Variants in DOCK3 observed in about 807,000 individuals in gnomAD.
DOCK3 encodes dedicator of cytokinesis 3, also known as dedicator of cytokinesis protein 3.
Under a neutral mutation model 265.6 loss-of-function variants are expected in DOCK3, and 60 were observed. That is an observed-to-expected ratio of 0.23 (90% CI 0.18 to 0.28). DOCK3 has a LOEUF of 0.28. Ranked by LOEUF, DOCK3 falls within the 10% of genes least tolerant of loss-of-function variation. DOCK3 has a pLI of 1.00. For synonymous variants in DOCK3, 881 were observed against 938.0 expected (o/e 0.94, Z 1.11); for missense variants, 1,981 against 2,594.3 (o/e 0.76, Z 5.14).
intron 4 of DOCK3, among the ~76,000 whole-genome samples, chr3:50,925,824 C>CTTTTTT (rs368819970): frequency 2.6e-4 from 23 of 88,430 alleles, no homozygotes; most frequent in African/African-American, 3.1e-4. Context: ...TAAAACTAGT[C>CTTTTTT]TTTTTTTTTT....
intron 4 of DOCK3, among the ~76,000 whole-genome samples, chr3:50,915,462 C>G (rs143246455): frequency 6.6e-6 from 1 of 152,028 alleles, no homozygotes; most frequent in African/African-American, 2.4e-5. Context: ...CTCTAGGGGA[C>G]GAGTTCACCT....
chr3:50,940,280 C>A (rs1237229930), intron 5 of DOCK3, among the ~76,000 whole-genome samples: 1 of 104,064 alleles, frequency 9.6e-6, no homozygotes. Flanking sequence ...AGCAAGATCC[C>A]ATTTCTACCA....
chr3:50,769,263 C>G (rs1445484639), intron 1 of DOCK3, among the ~76,000 whole-genome samples: 1 of 152,020 alleles, frequency 6.6e-6, no homozygotes, highest in African/African-American at 2.4e-5. Flanking sequence ...TGTGCTTTTG[C>G]CAGACTGATG....
intron 9 of DOCK3, among the ~76,000 whole-genome samples, chr3:51,122,446 C>T (rs926132374): frequency 2.6e-5 from 4 of 152,080 alleles, no homozygotes; most frequent in African/African-American, 7.2e-5. Flanking sequence ...GACTTTGTCT[C>T]AAAATAAAAG....
At chr3:51,185,395 T>C (rs953559043) in intron 12 of DOCK3, among the ~76,000 whole-genome samples, 2 of 152,214 alleles carry the variant, frequency 1.3e-5, no homozygotes, top group African/African-American at 4.8e-5. Context: ...ATTCTTTCTG[T>C]ACTAAGGAGC....
intron 1 of DOCK3, among the ~76,000 whole-genome samples, chr3:50,686,682 G>T (rs2034829111): frequency 6.6e-6 from 1 of 152,170 alleles, no homozygotes; most frequent in Non-Finnish European, 1.5e-5. Flanking sequence ...GCTGAGGCAG[G>T]TGGATCACCT....
At chr3:50,858,106 G>A (rs2046703931) in intron 3 of DOCK3, among the ~76,000 whole-genome samples, 2 of 152,162 alleles carry the variant, frequency 1.3e-5, no homozygotes, top group Non-Finnish European at 2.9e-5. Flanking sequence ...CCATAAAAAA[G>A]GATGGGTTCA....
intron 2 of DOCK3, chr3:50,786,634 T>C: frequency 1.7e-6 from 1 of 591,620 alleles, no homozygotes; most frequent in Non-Finnish European, 3.2e-6. Flanking sequence ...CCTTTATGAT[T>C]TAAAGTTGTC....
intron 40 of DOCK3, among the ~76,000 whole-genome samples, chr3:51,354,169 GT>G (rs1345573127): frequency 6.6e-6 from 1 of 151,588 alleles, no homozygotes; most frequent in Non-Finnish European, 1.5e-5. Context: ...ACATTAGACT[GT>G]TTCTCCCAAC....
At chr3:50,978,727 G>T (rs1335005596) in intron 5 of DOCK3, among the ~76,000 whole-genome samples, 1 of 152,206 alleles carries the variant, frequency 6.6e-6, no homozygotes, top group African/African-American at 2.4e-5. Flanking sequence ...GGCAATGGCG[G>T]GCGCCCCTCC....
At chr3:51,308,237 T>A (rs200105417) in intron 27 of DOCK3, among the ~76,000 whole-genome samples, 18 of 150,288 alleles carry the variant, frequency 1.2e-4, no homozygotes, top group Admixed American at 4.0e-4. Context: ...TTTTTTTTTT[T>A]ATTGATCATT....
intron 10 of DOCK3, among the ~76,000 whole-genome samples, chr3:51,148,411 C>G (rs942534311): frequency 2.0e-5 from 3 of 152,116 alleles, no homozygotes; most frequent in Admixed American, 6.5e-5. Flanking sequence ...TCATGAAGTC[C>G]TTGCCAATGC....
At chr3:51,161,412 C>G (rs1237161945) in intron 12 of DOCK3, among the ~76,000 whole-genome samples, 1 of 151,636 alleles carries the variant, frequency 6.6e-6, no homozygotes, top group African/African-American at 2.4e-5. Context: ...CCACTGCACT[C>G]CAGCCTGGGC....
chr3:50,688,594 C>G (rs1024679287), intron 1 of DOCK3, among the ~76,000 whole-genome samples: 1 of 152,106 alleles, frequency 6.6e-6, no homozygotes, highest in Admixed American at 6.6e-5. Flanking sequence ...TCCTGAGTAG[C>G]TGGGATTATA....
intron 1 of DOCK3, among the ~76,000 whole-genome samples, chr3:50,698,253 A>G (rs1006993362): frequency 2.0e-4 from 31 of 152,236 alleles, no homozygotes; most frequent in African/African-American, 7.5e-4. Context: ...TAGGCATTTC[A>G]TATAAATGGA....
intron 22 of DOCK3, among the ~76,000 whole-genome samples, chr3:51,252,799 C>T (rs1424680755): frequency 2.6e-5 from 4 of 152,228 alleles, no homozygotes; most frequent in Non-Finnish European, 5.9e-5. Flanking sequence ...ACAATCATGT[C>T]GTCTGCAAAC....
chr3:51,165,534 G>T (rs2086359442), intron 12 of DOCK3, among the ~76,000 whole-genome samples: 1 of 152,166 alleles, frequency 6.6e-6, no homozygotes, highest in Non-Finnish European at 1.5e-5. Flanking sequence ...TAAATCTCCA[G>T]AAGTTATTTA....
intron 3 of DOCK3, among the ~76,000 whole-genome samples, chr3:50,862,631 CTT>C (rs1182122942): frequency 6.6e-6 from 1 of 152,182 alleles, no homozygotes; most frequent in Admixed American, 6.5e-5. Context: ...TTCATAAAGA[CTT>C]TGTCTTTTTC....
At chr3:51,031,752 C>G (rs2080056713) in intron 5 of DOCK3, among the ~76,000 whole-genome samples, 1 of 152,126 alleles carries the variant, frequency 6.6e-6, no homozygotes, top group Non-Finnish European at 1.5e-5. Flanking sequence ...GAAATACCTC[C>G]TTTTAGGAGG....
Sources: allele counts gnomAD v4.1 joint callset (sites outside exome capture counted in the v4.1 genomes callset), GRCh38; gene constraint gnomAD v4.1.1; transcripts MANE v1.5; gene names NCBI Gene and HGNC (gene_info 2026-07-23, HGNC 2026-07-21).